Variants in CADM2 observed in about 807,000 individuals in gnomAD.
CADM2 encodes the protein immunoglobulin superfamily member 4D.
In CADM2, 12 loss-of-function variants were observed where a neutral mutation model predicts 49.8. The ratio of observed to expected loss-of-function variants is 0.24; its 90% CI spans 0.15 to 0.39. CADM2 has a LOEUF of 0.39. Among genes scored for constraint, CADM2 ranks in the 10% least tolerant of loss-of-function variants. CADM2 has a pLI of 1.00. For missense variants in CADM2, 378 were observed against 492.3 expected (o/e 0.77, Z 2.20); for synonymous variants, 214 against 175.4 (o/e 1.22, Z -1.74).
At chr3:85,227,549 TC>T (rs2042190526) in intron 1 of CADM2, among the ~76,000 whole-genome samples, 2 of 151,696 alleles carry the variant, frequency 1.3e-5, no homozygotes, top group African/African-American at 4.8e-5. Context: ...GAGATGAGTC[TC>T]CTGAATACAG....
At position 85,912,529 on chromosome 3, in the gene CADM2, T is replaced by A. The variant is rs1577643777; in HGVS notation, c.686T>A (p.Val229Glu). The A allele has an allele frequency of 6.2e-7, 1 of 1,613,292 alleles. No individual in the cohort carries two copies. The highest frequency in any genetic ancestry group is 1.3e-5 in the African/African-American group (1 of 74,950). ...LNATPQVAMQ[V>E]LEIHYTPSVK... ...GCCACCCCTCAGGTAGCCATGCAGGTGCTAGAAATACACTGTAAGTAAACA... is the reference window on the plus strand; with the variant it reads ...GCCACCCCTCAGGTAGCCATGCAGGAGCTAGAAATACACTGTAAGTAAACA... The change falls in exon 6 of 10, where the codon GTG becomes GAG. Residue 229 changes from valine (V) to glutamate (E), a missense_variant. By Grantham distance (121) the Val-to-Glu change is moderately radical (BLOSUM62 -2). Coordinates refer to ENST00000383699, the MANE Select transcript of CADM2 (RefSeq NM_001167675.2).
At chr3:85,894,382 A>T (rs1036092483) in intron 5 of CADM2, among the ~76,000 whole-genome samples, 2 of 152,114 alleles carry the variant, frequency 1.3e-5, no homozygotes, top group Non-Finnish European at 2.9e-5. Flanking sequence ...GCATTAGGAG[A>T]TATACCTAAT....
In CADM2 at chr3:85,293,692, T is replaced by C. The variant is rs1224068888; in HGVS notation, c.61+334024T>C. 4.1e-5 allele frequency among the ~76,000 whole-genome samples: 6 copies of C among 145,502 alleles called. 1 individual carries two copies. Among genetic ancestry groups the C allele is most frequent in the Admixed American group, 1.4e-4 (2 of 14,314 alleles). On this transcript the variant is annotated intron_variant, in intron 1 of 9. Coordinates refer to ENST00000383699, the MANE Select transcript of CADM2 (RefSeq NM_001167675.2). Reference sequence around the variant, plus strand: ...AACAGAGCCAAAGACAAAAACCACATGATTATCTCAATAGATGCAGAAAAA... The same window carrying C: ...AACAGAGCCAAAGACAAAAACCACACGATTATCTCAATAGATGCAGAAAAA...
At chr3:85,616,766 T>C (rs1389616173) in intron 1 of CADM2, among the ~76,000 whole-genome samples, 3 of 152,166 alleles carry the variant, frequency 2.0e-5, no homozygotes, top group Non-Finnish European at 4.4e-5. Context: ...TTGTAATGTA[T>C]AATTGAATGT....
chr3:85,302,533 A>G (rs2044125879), intron 1 of CADM2, among the ~76,000 whole-genome samples: 1 of 152,082 alleles, frequency 6.6e-6, no homozygotes, highest in Non-Finnish European at 1.5e-5. Context: ...TGAAATGTCA[A>G]TATATGTGAA....
At chr3:85,143,170 T>C (rs938468740) in intron 1 of CADM2, among the ~76,000 whole-genome samples, 1 of 152,174 alleles carries the variant, frequency 6.6e-6, no homozygotes, top group African/African-American at 2.4e-5. Context: ...TGAAGAGGGA[T>C]TAAACAAAAT....
At chr3:85,707,393 CTTT>C (rs34006416) in intron 1 of CADM2, among the ~76,000 whole-genome samples, 2 of 128,658 alleles carry the variant, frequency 1.6e-5, no homozygotes, top group Admixed American at 8.1e-5. Flanking sequence ...ATCATTGTAT[CTTT>C]TTTTTTTTTT....
chr3:85,730,838 A>G (rs1331508946), intron 2 of CADM2, among the ~76,000 whole-genome samples: 1 of 152,194 alleles, frequency 6.6e-6, no homozygotes, highest in Non-Finnish European at 1.5e-5. Flanking sequence ...AAATTTGGCA[A>G]CTATAGTTCT....
Position 86,029,932 on chromosome 3 carries a change from G to A in CADM2, c.971-35673G>A, listed in dbSNP as rs543845685. On this transcript the variant is annotated intron_variant, in intron 8 of 9. Coordinates refer to ENST00000383699, the MANE Select transcript of CADM2 (RefSeq NM_001167675.2). ...TAAAAGAGAAGCAGTTTGGTGTGGA[G>A]CCCTTGAGGAACAGGTGCTTTCTGA... Among the ~76,000 whole-genome samples the A allele has an allele frequency of 2.4e-4, 37 of 152,152 alleles. No individual in the cohort carries two copies. In the South Asian group the frequency reaches 7.3e-3, roughly 30 times the overall value.
chr3:85,286,781 G>A (rs961054151), intron 1 of CADM2, among the ~76,000 whole-genome samples: 1 of 152,000 alleles, frequency 6.6e-6, no homozygotes, highest in African/African-American at 2.4e-5. Context: ...TATTTTTTGG[G>A]TACATATTAA....
At chr3:85,483,085 T>C (rs969747185) in intron 1 of CADM2, among the ~76,000 whole-genome samples, 1 of 151,534 alleles carries the variant, frequency 6.6e-6, no homozygotes, top group African/African-American at 2.4e-5. Flanking sequence ...AAATATTAAA[T>C]AGTATAGTAT....
chr3:85,376,479 A>C (rs1402655876), intron 1 of CADM2, among the ~76,000 whole-genome samples: 2 of 152,084 alleles, frequency 1.3e-5, no homozygotes, highest in African/African-American at 4.8e-5. Flanking sequence ...ATAAAAAAGA[A>C]AAGCTCTTAA....
At chr3:85,959,659 G>A (rs1031812740) in intron 7 of CADM2, among the ~76,000 whole-genome samples, 4 of 151,866 alleles carry the variant, frequency 2.6e-5, no homozygotes, top group Non-Finnish European at 2.9e-5. Flanking sequence ...ATATAGGATA[G>A]TGGTCTCAAA....
At chr3:85,247,007 A>G (rs1298406375) in intron 1 of CADM2, among the ~76,000 whole-genome samples, 14 of 152,086 alleles carry the variant, frequency 9.2e-5, no homozygotes, top group Admixed American at 9.2e-4. Flanking sequence ...TTGTTGTTTA[A>G]TCAGATCTGA....
intron 1 of CADM2, among the ~76,000 whole-genome samples, chr3:85,508,486 A>G (rs555881305): frequency 1.1e-4 from 16 of 152,300 alleles, no homozygotes; most frequent in African/African-American, 3.8e-4. Flanking sequence ...TTCTACTTCC[A>G]GCTACTTGGA....
At chr3:85,870,888 C>G (rs2075902728) in intron 3 of CADM2, among the ~76,000 whole-genome samples, 1 of 152,022 alleles carries the variant, frequency 6.6e-6, no homozygotes, top group Non-Finnish European at 1.5e-5. Flanking sequence ...ACAAAAAAAT[C>G]AACTCAAGAT....
intron 1 of CADM2, among the ~76,000 whole-genome samples, chr3:85,383,516 GTATA>G (rs994717831): frequency 2.9e-4 from 7 of 24,440 alleles, no homozygotes; most frequent in African/African-American, 1.1e-3. Flanking sequence ...ATATATATAT[GTATA>G]TATATATATA....
chr3:85,393,296 G>A (rs2034611170), intron 1 of CADM2, among the ~76,000 whole-genome samples: 1 of 152,124 alleles, frequency 6.6e-6, no homozygotes, highest in African/African-American at 2.4e-5. Context: ...CAAAGGGAAA[G>A]GTGGTCCGGG....
chr3:85,546,989 A>G (rs1464771018), intron 1 of CADM2, among the ~76,000 whole-genome samples: 1 of 152,138 alleles, frequency 6.6e-6, no homozygotes, highest in Non-Finnish European at 1.5e-5. Flanking sequence ...TTTATGGTTA[A>G]AATGAAAGAA....
Sources: allele counts gnomAD v4.1 joint callset (sites outside exome capture counted in the v4.1 genomes callset), GRCh38; gene constraint gnomAD v4.1.1; transcripts MANE v1.5; gene names NCBI Gene and HGNC (gene_info 2026-07-23, HGNC 2026-07-21).